The following PPP2CB variants were observed in gnomAD, a reference collection of about 807,000 sequenced individuals.
PPP2CB encodes the protein serine/threonine-protein phosphatase 2A catalytic subunit beta isoform.
In PPP2CB, 18 loss-of-function variants were observed where a neutral mutation model predicts 39.1. The observed-to-expected ratio is 0.46, with a 90% CI of 0.32 to 0.68. The LOEUF (loss-of-function observed/expected upper bound fraction) is 0.68, where lower values mean the gene tolerates loss of function less well. PPP2CB is among the 30% of genes least tolerant of loss of function. PPP2CB has a pLI of 0.04. For missense variants in PPP2CB, 226 were observed against 396.9 expected (o/e 0.57, Z 3.66); for synonymous variants, 129 against 133.8 (o/e 0.96, Z 0.25).
chr8:30,806,046 A>ATT (rs1217819037), intron 1 of PPP2CB, among the ~76,000 whole-genome samples: 31 of 137,254 alleles, frequency 2.3e-4, no homozygotes, highest in East Asian at 1.1e-3. Flanking sequence ...GGTTAATATG[A>ATT]TTTTTTTTTT....
chr8:30,806,652 T>C (rs1231994359), intron 1 of PPP2CB, among the ~76,000 whole-genome samples: 1 of 152,222 alleles, frequency 6.6e-6, no homozygotes, highest in Non-Finnish European at 1.5e-5. Context: ...ATTAATTCCA[T>C]CTTCAATTTC....
At chr8:30,790,649 G>A (rs1178631503) in intron 6 of PPP2CB, among the ~76,000 whole-genome samples, 1 of 152,230 alleles carries the variant, frequency 6.6e-6, no homozygotes, top group Admixed American at 6.5e-5. Flanking sequence ...TGCCATGCAT[G>A]CCTGGAGCAG....
chr8:30,804,712 C>T (rs1196291675), intron 1 of PPP2CB, among the ~76,000 whole-genome samples: 3 of 152,056 alleles, frequency 2.0e-5, no homozygotes, highest in Non-Finnish European at 4.4e-5. Flanking sequence ...ATTTATAGTT[C>T]ACTGAACTTT....
intron 6 of PPP2CB, among the ~76,000 whole-genome samples, chr8:30,788,323 C>T (rs971302111): frequency 4.6e-5 from 7 of 151,722 alleles, no homozygotes; most frequent in African/African-American, 1.7e-4. Flanking sequence ...TAGTGTAGTG[C>T]TGTGATCATA....
At chr8:30,799,861 G>A (rs1446432132) in intron 1 of PPP2CB, 106 bp from the exon 2 acceptor site, 16 of 929,530 alleles carry the variant, frequency 1.7e-5, no homozygotes, top group Non-Finnish European at 2.4e-5. Flanking sequence ...TTATAAAAGC[G>A]TATGTGAAAA....
chr8:30,795,866 T>C (rs1806514095), intron 3 of PPP2CB, among the ~76,000 whole-genome samples: 1 of 152,252 alleles, frequency 6.6e-6, no homozygotes, highest in Non-Finnish European at 1.5e-5. Context: ...TAGTTATAAT[T>C]ATGCCTTATT....
intron 6 of PPP2CB, among the ~76,000 whole-genome samples, chr8:30,789,081 T>C (rs1206036515): frequency 6.6e-6 from 1 of 151,846 alleles, no homozygotes; most frequent in African/African-American, 2.4e-5. Context: ...TTCACTTTTG[T>C]TGCCCAGGCT....
In PPP2CB at chr8:30,786,011, T is replaced by G. The variant is rs2128759717; in HGVS notation, c.*224A>C. 2 of 655,430 alleles carry G rather than the reference T, an allele frequency of 3.1e-6. No individual in the cohort carries two copies. The highest frequency in any genetic ancestry group is 5.6e-6 in the Non-Finnish European group (2 of 358,154). 40.6% of individuals were successfully genotyped at this position (655,430 alleles called of 1,614,324 possible). On this transcript the variant is annotated 3_prime_UTR_variant, in exon 7 of 7. Coordinates refer to ENST00000221138, the MANE Select transcript of PPP2CB (RefSeq NM_001009552.2). ...GTTACTATAAATACAGCAGGCAAAC[T>G]GTTAGACTGACCTAGAACATAGTGT...
In PPP2CB at chr8:30,812,351, T is replaced by G; in HGVS notation, c.71A>C (p.Asn24Thr). Reference protein sequence around the residue: ...VEQLNECKQLNENQVRTLCEK... With the variant: ...VEQLNECKQLTENQVRTLCEK... ...GCACAGCGTCCGCACTTGGTTCTCG[T>G]TCAGCTGCTTACACTCGTTCAGCTG... Residue 24 changes from asparagine to threonine, a missense_variant, in exon 1 of 7, where the codon AAC becomes ACC. Coordinates refer to ENST00000221138, the MANE Select transcript of PPP2CB (RefSeq NM_001009552.2). 1 of 1,554,532 alleles carries G rather than the reference T, an allele frequency of 6.4e-7. No individual in the cohort carries two copies. Among genetic ancestry groups the G allele is most frequent in the Non-Finnish European group, 8.7e-7 (1 of 1,147,022 alleles).
chr8:30,794,352 T>G, intron 3 of PPP2CB, 71 bp from the exon 4 acceptor site: 1 of 1,292,564 alleles, frequency 7.7e-7, no homozygotes, highest in Non-Finnish European at 1.1e-6. Context: ...GAGTAAATAA[T>G]GGTTAAAAGT....
At chr8:30,790,692 G>A (rs1286129317) in intron 6 of PPP2CB, among the ~76,000 whole-genome samples, 1 of 152,150 alleles carries the variant, frequency 6.6e-6, no homozygotes, top group Non-Finnish European at 1.5e-5. Flanking sequence ...GCAGGGAAGG[G>A]GGCCTCAGCC....
In PPP2CB at chr8:30,797,639, C is replaced by CA; in HGVS notation, c.427dup (p.Trp143LeufsTer9). On this transcript the variant is annotated frameshift_variant, in exon 3 of 7. Coordinates refer to ENST00000221138, the MANE Select transcript of PPP2CB (RefSeq NM_001009552.2). LOFTEE classifies it high-confidence loss of function. ...ATCAAAGAGATCTGTAAAATATTTC[C>CA]AAACGTTGGCATTCCCATACTTTCG... 1 of 1,613,898 alleles carries CA rather than the reference C, an allele frequency of 6.2e-7. No individual in the cohort carries two copies. The highest frequency in any genetic ancestry group is 1.1e-5 in the South Asian group (1 of 91,066).
chr8:30,800,621 T>C (rs781718526), intron 1 of PPP2CB, among the ~76,000 whole-genome samples: 7 of 152,190 alleles, frequency 4.6e-5, no homozygotes, highest in Non-Finnish European at 8.8e-5. Flanking sequence ...TAATGGCTCA[T>C]CGATCTGGCC....
chr8:30,788,689 G>C (rs1434150872), intron 6 of PPP2CB, among the ~76,000 whole-genome samples: 1 of 152,198 alleles, frequency 6.6e-6, no homozygotes, highest in Non-Finnish European at 1.5e-5. Flanking sequence ...AAAGTATTCT[G>C]CTGTTGTTGG....
chr8:30,790,534 C>T (rs980592324), intron 6 of PPP2CB, among the ~76,000 whole-genome samples: 1 of 152,190 alleles, frequency 6.6e-6, no homozygotes, highest in Non-Finnish European at 1.5e-5. Flanking sequence ...TGTGACCTGC[C>T]TTTCCTCCTG....
chr8:30,796,751 T>C (rs1455559437), intron 3 of PPP2CB, among the ~76,000 whole-genome samples: 2 of 152,232 alleles, frequency 1.3e-5, no homozygotes, highest in Admixed American at 1.3e-4. Flanking sequence ...GAAATTGAAA[T>C]AGGAAATTTG....
intron 1 of PPP2CB, among the ~76,000 whole-genome samples, chr8:30,801,258 C>A (rs1460764413): frequency 6.6e-6 from 1 of 151,870 alleles, no homozygotes; most frequent in Non-Finnish European, 1.5e-5. Flanking sequence ...CAGGGCCGGG[C>A]ACGGTGGCTC....
chr8:30,798,403 T>G (rs985622439), intron 2 of PPP2CB, among the ~76,000 whole-genome samples: 1 of 152,240 alleles, frequency 6.6e-6, no homozygotes, highest in African/African-American at 2.4e-5. Flanking sequence ...CATACATATT[T>G]TACTAAGCAT....
chr8:30,791,923 T>C (rs1331444236), intron 5 of PPP2CB, among the ~76,000 whole-genome samples: 1 of 151,786 alleles, frequency 6.6e-6, no homozygotes, highest in Non-Finnish European at 1.5e-5. Flanking sequence ...TACATACACG[T>C]ATATATGTAT....
Sources: gnomAD v4.1 joint callset for allele counts (sites outside exome capture counted in the v4.1 genomes callset) on GRCh38, gnomAD v4.1.1 for gene constraint, MANE v1.5 for transcripts, NCBI Gene and HGNC (gene_info 2026-07-23, HGNC 2026-07-21) for gene names.